The following RNF212B variants were observed in gnomAD, a reference collection of about 807,000 sequenced individuals.
RNF212B encodes the protein ring finger protein 212B.
In RNF212B, 52 loss-of-function variants were observed where a neutral mutation model predicts 55.5. The ratio of observed to expected loss-of-function variants is 0.94; its 90% CI spans 0.75 to 1.18. The LOEUF is 1.18. RNF212B is among the 50% of genes most tolerant of loss of function. RNF212B has a pLI of 0.00. For synonymous variants in RNF212B, 99 were observed against 121.4 expected, an observed-to-expected ratio of 0.82 and a Z score of 1.21; for missense variants, 289 against 350.4, an observed-to-expected ratio of 0.82 and a Z score of 1.40.
At chr14:23,230,197 A>C (rs1411826246) in intron 2 of RNF212B, 1 of 152,278 alleles carries the variant, frequency 6.6e-6, no homozygotes, top group African/African-American at 2.4e-5. Context: ...TATATTTTGA[A>C]TATTAAAACC....
chr14:23,240,497 A>C, intron 2 of RNF212B, 52 bp downstream of exon 2: 1 of 1,176,044 alleles, frequency 8.5e-7, no homozygotes, highest in Non-Finnish European at 1.2e-6. Flanking sequence ...TCATGTAAGG[A>C]TGTAAGGAGT....
intron 2 of RNF212B, among the ~76,000 whole-genome samples, chr14:23,231,763 C>T (rs1477341093): frequency 6.6e-6 from 1 of 152,154 alleles, no homozygotes; most frequent in Non-Finnish European, 1.5e-5. Flanking sequence ...CCTCAGCCTG[C>T]CCAGTGCCTG....
chr14:23,271,209 C>T (rs1317620006), intron 14 of RNF212B, among the ~76,000 whole-genome samples: 2 of 152,060 alleles, frequency 1.3e-5, no homozygotes, highest in African/African-American at 2.4e-5. Context: ...GAGGCCGAGG[C>T]AGGTGGATAA....
chr14:23,236,313 A>T (rs1883086393), upstream of RNF212B, among the ~76,000 whole-genome samples: 1 of 152,218 alleles, frequency 6.6e-6, no homozygotes, highest in African/African-American at 2.4e-5. Context: ...CAGGAGTTCG[A>T]GAGCAGCCTG....
intron 2 of RNF212B, among the ~76,000 whole-genome samples, chr14:23,215,764 A>G (rs1881003586): frequency 1.3e-5 from 2 of 152,252 alleles, no homozygotes; most frequent in African/African-American, 4.8e-5. Context: ...GATAAACGAA[A>G]GACACATGGA....
intron 4 of RNF212B, among the ~76,000 whole-genome samples, chr14:23,254,100 A>G (rs34648124): frequency 0.4 from 60,326 of 151,594 alleles, 12,091 homozygotes; most frequent in East Asian, 0.42. Context: ...GCAACATAGT[A>G]AGACCCTTTC....
chr14:23,226,499 C>T (rs575123677), intron 2 of RNF212B, among the ~76,000 whole-genome samples: 6 of 151,696 alleles, frequency 4.0e-5, no homozygotes, highest in African/African-American at 1.5e-4. Context: ...GACATGGCGG[C>T]GTGCGCCTGT....
intron 2 of RNF212B, among the ~76,000 whole-genome samples, chr14:23,225,615 A>T (rs1881930209): frequency 6.7e-6 from 1 of 150,202 alleles, no homozygotes; most frequent in Non-Finnish European, 1.5e-5. Flanking sequence ...AAAACAATTC[A>T]TGAAGATAGA....
At chr14:23,201,483 A>G (rs1879282155) in intron 2 of RNF212B, among the ~76,000 whole-genome samples, 2 of 152,322 alleles carry the variant, frequency 1.3e-5, no homozygotes, top group African/African-American at 2.4e-5. Flanking sequence ...TTTGGAACAC[A>G]TACCAATAAC....
intron 2 of RNF212B, among the ~76,000 whole-genome samples, chr14:23,220,793 C>G (rs1464398607): frequency 6.6e-6 from 1 of 151,554 alleles, no homozygotes; most frequent in Non-Finnish European, 1.5e-5. Context: ...CCACTGCACT[C>G]CAGCCTGGGA....
At chr14:23,209,717 T>C (rs1468494669) in intron 2 of RNF212B, among the ~76,000 whole-genome samples, 1 of 151,816 alleles carries the variant, frequency 6.6e-6, no homozygotes, top group Non-Finnish European at 1.5e-5. Flanking sequence ...AAGGGAAAAA[T>C]AGTAACTTTA....
intron 2 of RNF212B, among the ~76,000 whole-genome samples, chr14:23,220,641 C>T (rs111658604): frequency 0.013 from 1,981 of 152,002 alleles, 42 homozygotes; most frequent in African/African-American, 0.043. Context: ...CTGGCTAACA[C>T]GGTGAAATCC....
intron 2 of RNF212B, among the ~76,000 whole-genome samples, chr14:23,219,477 GT>G (rs149486751): frequency 0.011 from 1,539 of 145,080 alleles, 8 homozygotes; most frequent in Middle Eastern, 0.018. Context: ...TCTCCTTCTA[GT>G]TTTTTTTTTT....
chr14:23,252,353 A>T (rs1884480477), intron 4 of RNF212B, among the ~76,000 whole-genome samples: 2 of 152,214 alleles, frequency 1.3e-5, no homozygotes, highest in African/African-American at 4.8e-5. Context: ...CCTGTTCAAA[A>T]GATCCCCCTC....
At chr14:23,235,667 G>T (rs1441893101), upstream of RNF212B, among the ~76,000 whole-genome samples, 1 of 152,224 alleles carries the variant, frequency 6.6e-6, no homozygotes, top group African/African-American at 2.4e-5. Context: ...TGATGAGATA[G>T]ATAGTGATAT....
chr14:23,228,291 G>T (rs1454989612), intron 2 of RNF212B, among the ~76,000 whole-genome samples: 3 of 151,352 alleles, frequency 2.0e-5, no homozygotes, highest in East Asian at 4.0e-4. Flanking sequence ...AAATTCATTT[G>T]GAAATGCAAA....
At chr14:23,267,435 A>G (rs1190537954) in intron 11 of RNF212B, among the ~76,000 whole-genome samples, 4 of 144,042 alleles carry the variant, frequency 2.8e-5, no homozygotes, top group Non-Finnish European at 6.1e-5. Flanking sequence ...TCTTGTAACA[A>G]TTTTTTTTTT....
chr14:23,209,817 C>A (rs559375826), intron 2 of RNF212B, among the ~76,000 whole-genome samples: 1 of 152,234 alleles, frequency 6.6e-6, no homozygotes, highest in Non-Finnish European at 1.5e-5. Context: ...ACCCCTGATA[C>A]AACATGATGA....
intron 2 of RNF212B, among the ~76,000 whole-genome samples, chr14:23,214,056 G>A (rs1022686321): frequency 2.6e-5 from 4 of 152,208 alleles, no homozygotes; most frequent in Non-Finnish European, 4.4e-5. Flanking sequence ...CCAGGAGTTC[G>A]AGGTTGTAGT....
Sources: allele counts gnomAD v4.1 joint callset (sites outside exome capture counted in the v4.1 genomes callset), GRCh38; gene constraint gnomAD v4.1.1; transcripts MANE v1.5; gene names NCBI Gene and HGNC (gene_info 2026-07-23, HGNC 2026-07-21).